Variants in AVIL observed in about 807,000 individuals in gnomAD.
AVIL encodes the protein advillin.
In AVIL, 78 loss-of-function variants were observed where a neutral mutation model predicts 109.9. That is an observed-to-expected ratio of 0.71 (90% CI 0.59 to 0.86). The LOEUF (loss-of-function observed/expected upper bound fraction) is 0.86. Among genes scored for constraint, AVIL ranks in the 40% least tolerant of loss-of-function variants. AVIL has a pLI of 0.00. For missense variants in AVIL, 892 were observed against 1,016.5 expected, an observed-to-expected ratio of 0.88 and a Z score of 1.67; for synonymous variants, 367 against 379.1, an observed-to-expected ratio of 0.97 and a Z score of 0.37.
chr12:57,804,631 G>T (rs1021707453), intron 14 of AVIL, among the ~76,000 whole-genome samples: 6 of 151,958 alleles, frequency 3.9e-5, no homozygotes, highest in African/African-American at 1.5e-4. Flanking sequence ...GGGCAACATG[G>T]CGAAACCTCG....
intron 2 of AVIL, 144 bp from the exon 3 acceptor site, chr12:57,814,370 C>G: frequency 2.5e-6 from 2 of 787,628 alleles, no homozygotes; most frequent in Non-Finnish European, 4.0e-6. Context: ...TGTGAGGCTG[C>G]CAGCCACAGG....
At chr12:57,814,115 G>A in intron 3 of AVIL, 37 bp downstream of exon 3, 1 of 1,606,930 alleles carries the variant, frequency 6.2e-7, no homozygotes, top group Non-Finnish European at 8.5e-7. Context: ...CTGGCCCCAG[G>A]GGAGAGGCTC....
At chr12:57,816,269 G>C in intron 1 of AVIL, 1 of 500,124 alleles carries the variant, frequency 2.0e-6, no homozygotes, top group Non-Finnish European at 3.5e-6. Context: ...CCACCCATGA[G>C]TTCTGCTTCC....
At position 57,801,426 on chromosome 12, in the gene AVIL, C is replaced by T. The variant is rs975545769; in HGVS notation, c.2152-214G>A. On this transcript the variant is annotated intron_variant, in intron 17 of 19. Coordinates refer to ENST00000549994, the MANE Select transcript of AVIL (RefSeq NM_006576.4). Reference sequence around the variant, plus strand: ...ATTCTTTGATGGTAACCCCTCAGTCCTCCCAATAAGATTTAAGAAAGAGCA... The same window carrying T: ...ATTCTTTGATGGTAACCCCTCAGTCTTCCCAATAAGATTTAAGAAAGAGCA... The T allele has an allele frequency of 5.5e-5, 23 of 415,628 alleles. No individual in the cohort carries two copies. In the South Asian group the frequency reaches 5.7e-4, roughly 10 times the overall value. The allele number at this position is 415,628 out of a possible 1,614,324, so 25.7% of individuals were successfully genotyped here. A position where few individuals can be genotyped will look rare whatever the true frequency, so the allele number is the denominator to read the frequency against.
chr12:57,807,272 C>T, intron 13 of AVIL, 59 bp downstream of exon 13: 1 of 1,605,406 alleles, frequency 6.2e-7, no homozygotes, highest in Admixed American at 1.7e-5. Context: ...TAGTCCTGTG[C>T]TGGTTTGTTA....
chr12:57,810,690 A>G, intron 6 of AVIL, 126 bp downstream of exon 6: 1 of 1,369,034 alleles, frequency 7.3e-7, no homozygotes, highest in Non-Finnish European at 1.0e-6. Context: ...AAACTCACAC[A>G]CTTGGCCTGT....
At chr12:57,803,892 TG>T in intron 14 of AVIL, 2 of 451,590 alleles carry the variant, frequency 4.4e-6, no homozygotes, top group Non-Finnish European at 7.5e-6. Flanking sequence ...CAGTGGGTGT[TG>T]GCAAAAGTCA....
chr12:57,802,956 G>A lies in AVIL; in HGVS notation c.1962+291C>T, dbSNP rs117324353. ...CCCATATCCTCTGCATGTGGAGTCC[G>A]TTGCTATTGATCCTAAGACTAAAAT... On this transcript the variant is annotated intron_variant, in intron 16 of 19. Transcript: ENST00000549994. Among the ~76,000 whole-genome samples, 769 of 152,246 alleles carry A rather than the reference G, an allele frequency of 5.1e-3. 5 individuals carry two copies. The highest frequency in any genetic ancestry group is 0.01 in the Middle Eastern group (3 of 294).
intron 4 of AVIL, 69 bp from the exon 5 acceptor site, chr12:57,811,196 T>C: frequency 7.1e-7 from 1 of 1,415,942 alleles, no homozygotes; most frequent in Non-Finnish European, 9.9e-7. Flanking sequence ...CAGTGGTGAA[T>C]TACACAGATG....
chr12:57,811,050 A>G lies in AVIL; in HGVS notation c.416T>C (p.Val139Ala), dbSNP rs768868360. 3.7e-6 allele frequency: 6 copies of G among 1,613,898 alleles called. No individual in the cohort carries two copies. In the African/African-American group the frequency reaches 4.0e-5, roughly 11 times the overall value. ...NTYDVKRLLH[V>A]KGKRNIRATE... Reference sequence around the variant, plus strand: ...AGCCCTGATGTTTCTTTTCCCTTTCACATGTAGCAGCCGCTTCACGTCGTA... The same window carrying G: ...AGCCCTGATGTTTCTTTTCCCTTTCGCATGTAGCAGCCGCTTCACGTCGTA... Residue 139 changes from valine (V) to alanine (A), a missense_variant, in exon 5 of 20, where the codon GTG (valine) becomes GCG (alanine). Transcript: ENST00000549994.
chr12:57,797,521 A>T lies in AVIL; in HGVS notation c.*361T>A. ...AGATTTTAGAAATAATCATCTTAAA[A>T]TTGAAAACAAAGGTAGGTCCTGGTA... is the stretch of plus-strand genomic sequence containing the variant. On this transcript the variant is annotated 3_prime_UTR_variant, in exon 20 of 20. Coordinates refer to ENST00000549994, the MANE Select transcript of AVIL (RefSeq NM_006576.4). 1 of 964,064 alleles carries T rather than the reference A, an allele frequency of 1.0e-6. No individual in the cohort carries two copies. Among genetic ancestry groups the T allele is most frequent in the Non-Finnish European group, 1.2e-6 (1 of 810,256 alleles). 59.7% of individuals were successfully genotyped at this position (964,064 alleles called of 1,614,324 possible).
chr12:57,809,492 C>T (rs1956004988), intron 9 of AVIL, 105 bp downstream of exon 9: 1 of 1,343,844 alleles, frequency 7.4e-7, no homozygotes, highest in South Asian at 1.2e-5. Flanking sequence ...TGTACGTAAG[C>T]ACAATGTTAT....
In AVIL at chr12:57,797,620, T is replaced by C. The variant is rs993360328; in HGVS notation, c.*262A>G. 2.2e-6 allele frequency: 2 copies of C among 915,742 alleles called. No homozygotes were observed. Among genetic ancestry groups the C allele is most frequent in the African/African-American group, 3.5e-5 (2 of 56,638 alleles). 56.7% of individuals were successfully genotyped at this position (915,742 alleles called of 1,614,324 possible). A position where few individuals can be genotyped will look rare whatever the true frequency, so the allele number is the denominator to read the frequency against. ...TCTCTTTCTTTTGATTTCTCCAGATTTATGCAGTTTTAGTGCTTTCTGCTG... is the reference window on the plus strand; with the variant it reads ...TCTCTTTCTTTTGATTTCTCCAGATCTATGCAGTTTTAGTGCTTTCTGCTG... On this transcript the variant is annotated 3_prime_UTR_variant, in exon 20 of 20. Transcript: ENST00000549994.
At chr12:57,802,372 A>T (rs368156538) in intron 16 of AVIL, 24 bp from the exon 17 acceptor site, 164 of 1,588,142 alleles carry the variant, frequency 1.0e-4, no homozygotes, top group East Asian at 4.5e-4. Context: ...GATTTAATAT[A>T]TGTTACTGTG....
chr12:57,803,677 T>C lies in AVIL; in HGVS notation c.1672-8A>G. The C allele has an allele frequency of 1.2e-6, 2 of 1,613,316 alleles. No individual in the cohort carries two copies. Among genetic ancestry groups the C allele is most frequent in the Middle Eastern group, 1.7e-4 (1 of 5,824 alleles). ...CTCATCCCCACTAGACCCCTGAGAGTGGGGCGAGGAGAGCACAGATGTTAG... is the reference window on the plus strand; with the variant it reads ...CTCATCCCCACTAGACCCCTGAGAGCGGGGCGAGGAGAGCACAGATGTTAG... On this transcript the variant is annotated splice_polypyrimidine_tract_variant and splice_region_variant and intron_variant, in intron 14 of 19. Coordinates refer to ENST00000549994, the MANE Select transcript of AVIL (RefSeq NM_006576.4).
At chr12:57,816,141 C>G (rs1262019453) in intron 1 of AVIL, 82 bp from the exon 2 acceptor site, 2 of 1,207,246 alleles carry the variant, frequency 1.7e-6, no homozygotes, top group Non-Finnish European at 2.4e-6. Context: ...GAGCTGCTTC[C>G]CAGTCTGTTG....
chr12:57,800,314 A>G (rs1955820951), intron 18 of AVIL: 2 of 167,290 alleles, frequency 1.2e-5, no homozygotes, highest in Non-Finnish European at 2.6e-5. Flanking sequence ...TACTACATCA[A>G]CATTAGCTTT....
intron 14 of AVIL, among the ~76,000 whole-genome samples, chr12:57,805,536 G>T (rs1198721066): frequency 7.0e-6 from 1 of 142,436 alleles, no homozygotes. Context: ...CTTTCAGTGA[G>T]TTTTTTTTTT....
intron 4 of AVIL, among the ~76,000 whole-genome samples, chr12:57,812,807 C>G (rs1370364940): frequency 2.0e-5 from 3 of 152,148 alleles, no homozygotes; most frequent in Non-Finnish European, 4.4e-5. Context: ...GCATAATACT[C>G]CGTGGTGTGC....
Sources: gnomAD v4.1 joint callset for allele counts (sites outside exome capture counted in the v4.1 genomes callset) on GRCh38, gnomAD v4.1.1 for gene constraint, MANE v1.5 for transcripts, NCBI Gene and HGNC (gene_info 2026-07-23, HGNC 2026-07-21) for gene names.